Variants in PLA2G4E observed in about 807,000 individuals in gnomAD.
PLA2G4E encodes the protein phospholipase A2 group IVE.
In PLA2G4E, 84 loss-of-function variants were observed where a neutral mutation model predicts 109.1. That is an observed-to-expected ratio of 0.77 (90% CI 0.65 to 0.92). PLA2G4E has a LOEUF of 0.92. Ranked by LOEUF, PLA2G4E falls within the 40% of genes least tolerant of loss-of-function variation. The probability of loss-of-function intolerance (pLI) is 0.00; values close to 1 mark genes in which losing one functional copy is unlikely to be tolerated. For missense variants in PLA2G4E, 1,057 were observed against 1,076.6 expected, an observed-to-expected ratio of 0.98 and a Z score of 0.25; for synonymous variants, 469 against 436.1, an observed-to-expected ratio of 1.08 and a Z score of -0.94.
At chr15:41,993,333 A>C (rs2068282605) in intron 12 of PLA2G4E, among the ~76,000 whole-genome samples, 1 of 152,194 alleles carries the variant, frequency 6.6e-6, no homozygotes, top group African/African-American at 2.4e-5. Context: ...AATGGGGAGA[A>C]TTACAATAAT....
intron 17 of PLA2G4E, chr15:41,986,895 G>A (rs1378215888): frequency 4.3e-6 from 2 of 466,146 alleles, no homozygotes; most frequent in Non-Finnish European, 7.8e-6. Flanking sequence ...CTGTAACATG[G>A]GGCCAACTTC....
chr15:42,019,563 C>T (rs894540131), intron 1 of PLA2G4E, among the ~76,000 whole-genome samples: 3 of 152,216 alleles, frequency 2.0e-5, no homozygotes, highest in African/African-American at 4.8e-5. Flanking sequence ...CCACCTCCTC[C>T]TCCCTAGAGA....
intron 1 of PLA2G4E, among the ~76,000 whole-genome samples, chr15:42,031,621 T>C (rs1246334144): frequency 6.6e-6 from 1 of 152,120 alleles, no homozygotes; most frequent in African/African-American, 2.4e-5. Flanking sequence ...GAGGGGGTAT[T>C]GTAACAGGCA....
intron 8 of PLA2G4E, 21 bp downstream of exon 8, chr15:42,000,083 C>A (rs1361479682): frequency 1.9e-6 from 3 of 1,577,162 alleles, no homozygotes; most frequent in Non-Finnish European, 1.7e-6. Flanking sequence ...CACACCTCCC[C>A]CAGTGTCAGC....
intron 1 of PLA2G4E, among the ~76,000 whole-genome samples, chr15:42,045,869 C>G (rs1272428982): frequency 6.6e-6 from 1 of 152,174 alleles, no homozygotes; most frequent in Non-Finnish European, 1.5e-5. Context: ...TTTTCAACGG[C>G]CCACCTGACA....
At chr15:42,007,827 T>C (rs1188378964) in exon 3 of PLA2G4E, 2 of 1,609,278 alleles carry the variant, frequency 1.2e-6, no homozygotes, top group Non-Finnish European at 8.5e-7. Flanking sequence ...TGAGAGGCGG[T>C]GGGCAGCCAG....
chr15:42,017,132 A>G (rs2068603035), intron 1 of PLA2G4E, among the ~76,000 whole-genome samples: 1 of 152,168 alleles, frequency 6.6e-6, no homozygotes, highest in Admixed American at 6.5e-5. Context: ...GTCCGTCCTG[A>G]GGGATATTCC....
intron 1 of PLA2G4E, among the ~76,000 whole-genome samples, chr15:42,016,056 C>T (rs1437550902): frequency 6.6e-6 from 1 of 152,044 alleles, no homozygotes; most frequent in Non-Finnish European, 1.5e-5. Context: ...GCGTCTGAAC[C>T]GGCACCCTCG....
chr15:42,008,059 G>T (rs2068495238), intron 2 of PLA2G4E, among the ~76,000 whole-genome samples, 194 bp from the exon 3 acceptor site: 1 of 152,222 alleles, frequency 6.6e-6, no homozygotes, highest in African/African-American at 2.4e-5. Flanking sequence ...TCTCGCAGAG[G>T]GCGACCCAAT....
intron 2 of PLA2G4E, among the ~76,000 whole-genome samples, chr15:42,012,846 T>C (rs2068550693): frequency 6.6e-6 from 1 of 152,228 alleles, no homozygotes; most frequent in Admixed American, 6.5e-5. Flanking sequence ...CATTCCTGTG[T>C]GGTTACCGGT....
chr15:42,036,660 G>C (rs1048465283), intron 1 of PLA2G4E, among the ~76,000 whole-genome samples: 1 of 152,172 alleles, frequency 6.6e-6, no homozygotes, highest in South Asian at 2.1e-4. Flanking sequence ...ACAGAAGGGA[G>C]CTCATAGCCG....
At chr15:41,985,974 C>T in exon 18 of PLA2G4E, 3 of 1,601,324 alleles carry the variant, frequency 1.9e-6, no homozygotes, top group Non-Finnish European at 2.6e-6. Context: ...CGGACTCGGT[C>T]AGCTGGTTTG....
intron 1 of PLA2G4E, among the ~76,000 whole-genome samples, 170 bp downstream of exon 1, chr15:42,020,765 G>A (rs953260889): frequency 2.6e-5 from 4 of 152,142 alleles, no homozygotes; most frequent in Non-Finnish European, 4.4e-5. Flanking sequence ...ACCTCCCCCA[G>A]GTTTTAAGAT....
At chr15:42,015,995 A>G (rs1191641008) in intron 1 of PLA2G4E, among the ~76,000 whole-genome samples, 1 of 152,122 alleles carries the variant, frequency 6.6e-6, no homozygotes, top group African/African-American at 2.4e-5. Context: ...GTCCATTCCC[A>G]GCCTGAGCTC....
chr15:42,004,974 A>T (rs774260499), exon 5 of PLA2G4E: 1 of 1,613,054 alleles, frequency 6.2e-7, no homozygotes, highest in Non-Finnish European at 8.5e-7. Flanking sequence ...CAGCTCTTCC[A>T]TGCCCTGGTA....
intron 1 of PLA2G4E, among the ~76,000 whole-genome samples, chr15:42,015,939 C>A (rs1478165140): frequency 6.6e-6 from 1 of 152,182 alleles, no homozygotes; most frequent in Non-Finnish European, 1.5e-5. Context: ...GACTTGAAGC[C>A]CCTTCGCTGA....
chr15:42,025,251 C>G (rs1484305881), intron 1 of PLA2G4E, among the ~76,000 whole-genome samples: 3 of 149,670 alleles, frequency 2.0e-5, no homozygotes, highest in African/African-American at 4.9e-5. Context: ...AGGAAAGAAA[C>G]ATGAAAGGTG....
chr15:41,987,980 T>C (rs1595556568), intron 16 of PLA2G4E, 69 bp downstream of exon 16: 1 of 1,030,060 alleles, frequency 9.7e-7, no homozygotes, highest in South Asian at 1.7e-5. Context: ...CCGCCCCCCA[T>C]CACCCAGCCA....
chr15:42,001,266 C>T (rs754606530), intron 6 of PLA2G4E, 46 bp from the exon 7 acceptor site: 3 of 1,530,886 alleles, frequency 2.0e-6, no homozygotes, highest in South Asian at 1.1e-5. Flanking sequence ...GCACCAGCCA[C>T]CTCCTTGCTC....
Sources: gnomAD v4.1 joint callset for allele counts (sites outside exome capture counted in the v4.1 genomes callset) on GRCh38, gnomAD v4.1.1 for gene constraint, MANE v1.5 for transcripts, NCBI Gene and HGNC (gene_info 2026-07-23, HGNC 2026-07-21) for gene names.